CTNNA2: variants seen among roughly 807,000 people sequenced by gnomAD.
CTNNA2 encodes catenin alpha-2.
In CTNNA2, 42 loss-of-function variants were observed where a neutral mutation model predicts 101.0. The observed-to-expected ratio is 0.42, with a 90% CI of 0.32 to 0.54. The LOEUF is 0.54. CTNNA2 is among the 20% of genes least tolerant of loss of function. The pLI, the probability that CTNNA2 is intolerant of heterozygous loss-of-function variation, is 0.14. For missense variants in CTNNA2, 871 were observed against 1,223.1 expected (o/e 0.71, Z 4.29); for synonymous variants, 450 against 456.4 (o/e 0.99, Z 0.18).
intron 7 of CTNNA2, among the ~76,000 whole-genome samples, chr2:80,174,099 T>C (rs1269034705): frequency 6.6e-6 from 1 of 152,114 alleles, no homozygotes; most frequent in Non-Finnish European, 1.5e-5. Context: ...TATAAAGTCG[T>C]TTTCTCAATG....
intron 6 of CTNNA2, among the ~76,000 whole-genome samples, chr2:79,885,789 A>C (rs570697933): frequency 6.6e-6 from 1 of 152,218 alleles, no homozygotes; most frequent in Non-Finnish European, 1.5e-5. Flanking sequence ...GTGTCTGAGA[A>C]GTGATTCCCA....
At chr2:79,786,384 T>C (rs897949728) in intron 3 of CTNNA2, among the ~76,000 whole-genome samples, 1 of 152,162 alleles carries the variant, frequency 6.6e-6, no homozygotes, top group East Asian at 1.9e-4. Context: ...TTTATGCATG[T>C]ACTATAAAAT....
intron 1 of CTNNA2, among the ~76,000 whole-genome samples, chr2:79,611,829 G>C (rs1355066455): frequency 6.6e-6 from 1 of 152,094 alleles, no homozygotes; most frequent in East Asian, 1.9e-4. Flanking sequence ...CAAAGTCAGC[G>C]ATATAAATAA....
intron 4 of CTNNA2, among the ~76,000 whole-genome samples, chr2:79,409,581 C>A (rs373220832): frequency 2.0e-5 from 3 of 150,178 alleles, no homozygotes; most frequent in African/African-American, 7.3e-5. Context: ...GCTTGTTTTT[C>A]TCAGGTTTGT....
intron 9 of CTNNA2, among the ~76,000 whole-genome samples, chr2:80,422,080 C>T (rs1680573141): frequency 6.6e-6 from 1 of 152,106 alleles, no homozygotes; most frequent in African/African-American, 2.4e-5. Context: ...CTAATAAAGA[C>T]ATATCATATG....
chr2:79,614,286 C>T (rs897358644), intron 1 of CTNNA2, among the ~76,000 whole-genome samples: 2 of 152,066 alleles, frequency 1.3e-5, no homozygotes, highest in African/African-American at 2.4e-5. Flanking sequence ...CTAGGAATCT[C>T]AGAGGTATTT....
At chr2:80,426,587 A>G (rs1681015894) in intron 9 of CTNNA2, among the ~76,000 whole-genome samples, 1 of 152,152 alleles carries the variant, frequency 6.6e-6, no homozygotes, top group Admixed American at 6.5e-5. Flanking sequence ...AATTTCTAAT[A>G]ATGCAAATAA....
chr2:80,103,060 C>T (rs1262477454), intron 7 of CTNNA2, among the ~76,000 whole-genome samples: 1 of 152,176 alleles, frequency 6.6e-6, no homozygotes, highest in Non-Finnish European at 1.5e-5. Flanking sequence ...CATCTCTGCA[C>T]TGTCCCACCC....
At chr2:79,865,188 T>A (rs1681945073) in intron 4 of CTNNA2, among the ~76,000 whole-genome samples, 1 of 152,176 alleles carries the variant, frequency 6.6e-6, no homozygotes, top group African/African-American at 2.4e-5. Flanking sequence ...CTTCCCTTGT[T>A]GACAAGGAAA....
intron 7 of CTNNA2, among the ~76,000 whole-genome samples, chr2:80,062,747 C>A (rs920883952): frequency 1.4e-5 from 2 of 145,402 alleles, no homozygotes; most frequent in African/African-American, 5.2e-5. Context: ...ACTCTGTCGC[C>A]CAGGCTGGAG....
chr2:80,605,428 G>C (rs537952148), intron 16 of CTNNA2: 2 of 151,912 alleles, frequency 1.3e-5, no homozygotes, highest in Non-Finnish European at 2.9e-5. Flanking sequence ...ACATGAATTT[G>C]CTTAGTATAC....
intron 1 of CTNNA2, among the ~76,000 whole-genome samples, chr2:79,571,655 T>G (rs1416271279): frequency 2.0e-5 from 3 of 152,162 alleles, no homozygotes; most frequent in Non-Finnish European, 4.4e-5. Flanking sequence ...CCTACCTTAA[T>G]CAGAAACCTT....
intron 7 of CTNNA2, among the ~76,000 whole-genome samples, chr2:80,145,242 G>A (rs1703261359): frequency 6.6e-6 from 1 of 152,130 alleles, no homozygotes; most frequent in African/African-American, 2.4e-5. Flanking sequence ...CAAGGCTGTA[G>A]GTGGCAGCAA....
At chr2:80,400,290 C>G (rs559224444) in intron 8 of CTNNA2, among the ~76,000 whole-genome samples, 1 of 152,246 alleles carries the variant, frequency 6.6e-6, no homozygotes, top group South Asian at 2.1e-4. Flanking sequence ...CTTTATCTCC[C>G]CATTTCCTGA....
At chr2:79,447,271 T>A (rs1323784973) in intron 4 of CTNNA2, among the ~76,000 whole-genome samples, 1 of 151,966 alleles carries the variant, frequency 6.6e-6, no homozygotes, top group Non-Finnish European at 1.5e-5. Context: ...CTCTCCTGTT[T>A]CCTCCAAGCC....
intron 7 of CTNNA2, among the ~76,000 whole-genome samples, chr2:80,333,464 T>C (rs1364885165): frequency 1.3e-5 from 2 of 152,140 alleles, no homozygotes; most frequent in South Asian, 4.1e-4. Context: ...AAATAAGAGA[T>C]ATGCATGATC....
At chr2:79,204,033 G>A (rs926988653) in intron 2 of CTNNA2, among the ~76,000 whole-genome samples, 1 of 152,184 alleles carries the variant, frequency 6.6e-6, no homozygotes, top group African/African-American at 2.4e-5. Context: ...ATAGCCAAGG[G>A]TTAAGACATT....
intron 7 of CTNNA2, among the ~76,000 whole-genome samples, chr2:80,221,686 G>T (rs1390399436): frequency 6.6e-6 from 1 of 152,126 alleles, no homozygotes; most frequent in Non-Finnish European, 1.5e-5. Context: ...GGTGGAAATG[G>T]ATCCGATGCT....
At chr2:80,317,338 T>A (rs1413861122) in intron 7 of CTNNA2, among the ~76,000 whole-genome samples, 1 of 152,232 alleles carries the variant, frequency 6.6e-6, no homozygotes, top group African/African-American at 2.4e-5. Flanking sequence ...CTTTAATATA[T>A]TAATTCCATT....
Sources: allele counts gnomAD v4.1 joint callset (sites outside exome capture counted in the v4.1 genomes callset), GRCh38; gene constraint gnomAD v4.1.1; transcripts MANE v1.5; gene names NCBI Gene and HGNC (gene_info 2026-07-23, HGNC 2026-07-21).